The following USP50 variants were observed in gnomAD, a reference collection of about 807,000 sequenced individuals.
The protein encoded by USP50 is ubiquitin carboxyl-terminal hydrolase 50.
USP50 carries 37 observed loss-of-function variants against 39.2 expected under a neutral mutation model. The ratio of observed to expected loss-of-function variants is 0.94; its 90% confidence interval spans 0.73 to 1.24. The LOEUF (loss-of-function observed/expected upper bound fraction) is 1.24. Ranked by LOEUF, USP50 falls within the 50% of genes most tolerant of loss-of-function variation. The pLI, the probability that USP50 is intolerant of heterozygous loss-of-function variation, is 0.00. For synonymous variants in USP50, 139 were observed against 144.5 expected (o/e 0.96, Z 0.27); for missense variants, 374 against 398.2 (o/e 0.94, Z 0.52).
intron 6 of USP50, among the ~76,000 whole-genome samples, chr15:50,519,608 A>G (rs2052831711): frequency 6.6e-6 from 1 of 151,566 alleles, no homozygotes; most frequent in African/African-American, 2.4e-5. Context: ...CCAGCTACTC[A>G]GGAGGCTGAG....
chr15:50,544,496 T>C, intron 2 of USP50, 91 bp downstream of exon 2: 1 of 1,263,460 alleles, frequency 7.9e-7, no homozygotes, highest in African/African-American at 1.5e-5. Context: ...TTTGTTTATC[T>C]CTTAATAGGG....
intron 6 of USP50, among the ~76,000 whole-genome samples, chr15:50,518,480 G>A (rs1391930943): frequency 6.6e-6 from 1 of 151,830 alleles, no homozygotes; most frequent in Non-Finnish European, 1.5e-5. Flanking sequence ...CAAAGTGCTG[G>A]GATTACAGGC....
downstream of USP50, chr15:50,497,067 G>A: frequency 6.3e-7 from 1 of 1,586,480 alleles, no homozygotes; most frequent in African/African-American, 1.4e-5. Context: ...ACGAGTATCT[G>A]CTACTTGTTT....
downstream of USP50, chr15:50,495,907 T>C (rs767249066): frequency 6.2e-7 from 1 of 1,613,900 alleles, no homozygotes; most frequent in Non-Finnish European, 8.5e-7. Flanking sequence ...ACTTTAAAGC[T>C]GCAGAACATG....
chr15:50,518,902 A>G (rs2052825062), intron 6 of USP50, among the ~76,000 whole-genome samples: 1 of 152,210 alleles, frequency 6.6e-6, no homozygotes, highest in South Asian at 2.1e-4. Context: ...ATATACTTGC[A>G]AACTATTCAT....
chr15:50,510,824 TGGAG>T (rs1323179200), intron 6 of USP50: 5 of 152,316 alleles, frequency 3.3e-5, no homozygotes, highest in African/African-American at 9.6e-5. Context: ...TCTCCCAGGC[TGGAG>T]TGCAGTGGCG....
At chr15:50,494,638 T>C (rs1025216747) in intron 1 of USP50, among the ~76,000 whole-genome samples, 6 of 152,264 alleles carry the variant, frequency 3.9e-5, no homozygotes, top group Non-Finnish European at 5.9e-5. Flanking sequence ...GTATATGTTA[T>C]TGTACATATC....
At chr15:50,496,156 A>C (rs1178371172), downstream of USP50, 4 of 1,264,260 alleles carry the variant, frequency 3.2e-6, no homozygotes, top group Non-Finnish European at 4.4e-6. Flanking sequence ...AGAGATGTAA[A>C]TTTCTGGTCT....
chr15:50,544,968 T>C (rs2053060444), intron 1 of USP50, among the ~76,000 whole-genome samples, 187 bp from the exon 2 acceptor site: 1 of 152,206 alleles, frequency 6.6e-6, no homozygotes, highest in Admixed American at 6.5e-5. Context: ...CAGAGCATAG[T>C]GGCTCACACC....
At chr15:50,539,113 G>GTTTT (rs58459024) in intron 4 of USP50, among the ~76,000 whole-genome samples, 3 of 137,010 alleles carry the variant, frequency 2.2e-5, no homozygotes, top group Non-Finnish European at 4.6e-5. Context: ...TTTTGGTTTT[G>GTTTT]TTTTTTTTTT....
chr15:50,513,506 A>G (rs1329901967), intron 6 of USP50: 2 of 143,680 alleles, frequency 1.4e-5, no homozygotes, highest in Admixed American at 7.1e-5. Flanking sequence ...TCGAGACAAG[A>G]GCGAAACTGT....
chr15:50,501,373 T>C (rs906862404), intron 6 of USP50: 4 of 150,108 alleles, frequency 2.7e-5, no homozygotes, highest in Non-Finnish European at 5.9e-5. Context: ...ACTTGGGAAG[T>C]TGGGGTGGGA....
chr15:50,533,796 T>C (rs1007935250), intron 5 of USP50, among the ~76,000 whole-genome samples: 2 of 151,798 alleles, frequency 1.3e-5, no homozygotes, highest in Non-Finnish European at 2.9e-5. Context: ...AGGTCAGGAG[T>C]TCAAAACCAC....
chr15:50,523,175 CT>C lies in USP50; in HGVS notation c.936+6621del, dbSNP rs57450027. ...AAAATCAACATATAAAAATCAGTAG[CT>C]TTTTTTTTTTTTTTTTTGGTGAGAC... is the stretch of plus-strand genomic sequence containing the variant. On this transcript the variant is annotated intron_variant, in intron 6 of 6. Transcript: ENST00000532404. Among the ~76,000 whole-genome samples, 83 of 104,204 alleles carry C rather than the reference CT, an allele frequency of 8.0e-4. No homozygotes were observed. The East Asian group carries it at 8.2e-3, about 10-fold the overall frequency. 68.4% of individuals were successfully genotyped at this position (104,204 alleles called of 152,430 possible). A position where few individuals can be genotyped will look rare whatever the true frequency, so the allele number is the denominator to read the frequency against.
chr15:50,529,202 C>T (rs556186846), intron 6 of USP50, among the ~76,000 whole-genome samples: 3 of 151,916 alleles, frequency 2.0e-5, no homozygotes, highest in South Asian at 2.1e-4. Context: ...AAGTGGTTCA[C>T]GGTTATTCAA....
downstream of USP50, chr15:50,497,388 TGTTA>T (rs761258902): frequency 9.6e-5 from 80 of 837,358 alleles, no homozygotes; most frequent in Admixed American, 1.1e-4. Flanking sequence ...GAAATGAGAC[TGTTA>T]GTTCACCTCA....
chr15:50,537,281 A>C (rs1462882516), intron 5 of USP50, among the ~76,000 whole-genome samples: 2 of 152,066 alleles, frequency 1.3e-5, no homozygotes, highest in Non-Finnish European at 2.9e-5. Flanking sequence ...CAAACCTTAC[A>C]CCCTTCACAA....
intron 6 of USP50, among the ~76,000 whole-genome samples, chr15:50,519,838 G>GT (rs2052834508): frequency 6.6e-6 from 1 of 152,314 alleles, no homozygotes; most frequent in East Asian, 1.9e-4. Flanking sequence ...TGGTGGGAAT[G>GT]TAAATTAGTA....
At chr15:50,525,489 T>C (rs1596013622) in intron 6 of USP50, among the ~76,000 whole-genome samples, 3 of 148,222 alleles carry the variant, frequency 2.0e-5, no homozygotes, top group African/African-American at 7.5e-5. Context: ...TGTATATATA[T>C]GTATATATGT....
Sources: allele counts gnomAD v4.1 joint callset (sites outside exome capture counted in the v4.1 genomes callset), GRCh38; gene constraint gnomAD v4.1.1; transcripts MANE v1.5; gene names NCBI Gene and HGNC (gene_info 2026-07-23, HGNC 2026-07-21).